Variants in ETV1 observed in about 807,000 individuals in gnomAD.
ETV1 encodes ETS translocation variant 1.
Under a neutral mutation model 62.3 loss-of-function variants are expected in ETV1, and 27 were observed. The ratio of observed to expected loss-of-function variants is 0.43; its 90% CI spans 0.32 to 0.60. ETV1 has a LOEUF of 0.60. Ranked by LOEUF, ETV1 falls within the 20% of genes least tolerant of loss-of-function variation. The pLI, the probability that ETV1 is intolerant of heterozygous loss-of-function variation, is 0.06. For missense variants in ETV1, 605 were observed against 605.8 expected, an observed-to-expected ratio of 1.00 and a Z score of 0.01; for synonymous variants, 222 against 199.6, an observed-to-expected ratio of 1.11 and a Z score of -0.94.
chr7:13,914,867 G>C (rs79949177), intron 9 of ETV1, among the ~76,000 whole-genome samples: 16 of 152,122 alleles, frequency 1.1e-4, no homozygotes, highest in Non-Finnish European at 1.9e-4. Flanking sequence ...ATCAGGCCAC[G>C]GCAAAGAGAA....
chr7:13,916,660 A>AG (rs1389951964), intron 9 of ETV1, among the ~76,000 whole-genome samples: 5 of 148,516 alleles, frequency 3.4e-5, no homozygotes, highest in Non-Finnish European at 6.0e-5. Context: ...TGTGCACAGT[A>AG]GCTCATGCAT....
At chr7:13,988,713 C>G in intron 3 of ETV1, 1 of 1,612,664 alleles carries the variant, frequency 6.2e-7, no homozygotes, top group Non-Finnish European at 8.5e-7. Flanking sequence ...CAAACCCAGC[C>G]AAAAACTTTG....
chr7:13,973,329 G>A (rs934558076), intron 6 of ETV1, among the ~76,000 whole-genome samples: 3 of 152,104 alleles, frequency 2.0e-5, no homozygotes, highest in African/African-American at 7.2e-5. Flanking sequence ...TTTACAGACA[G>A]GCCACACAGA....
chr7:13,903,148 T>C (rs1323662780), intron 12 of ETV1, among the ~76,000 whole-genome samples: 1 of 151,868 alleles, frequency 6.6e-6, no homozygotes, highest in African/African-American at 2.4e-5. Context: ...CAATATGGAG[T>C]GGGAAAAATG....
chr7:13,967,247 A>G (rs1479492841), intron 6 of ETV1, among the ~76,000 whole-genome samples: 2 of 152,180 alleles, frequency 1.3e-5, no homozygotes, highest in Non-Finnish European at 2.9e-5. Context: ...AACAGGACCT[A>G]AAAACTAGTC....
intron 9 of ETV1, among the ~76,000 whole-genome samples, chr7:13,925,852 G>A (rs544746859): frequency 6.6e-6 from 1 of 151,838 alleles, no homozygotes; most frequent in East Asian, 1.9e-4. Context: ...CACCGCGCCT[G>A]GCCCGACTGA....
chr7:13,977,995 A>G (rs1781619775), intron 5 of ETV1, among the ~76,000 whole-genome samples: 1 of 152,134 alleles, frequency 6.6e-6, no homozygotes, highest in Non-Finnish European at 1.5e-5. Flanking sequence ...CTTGCACTGA[A>G]TTTTGCCAAA....
At chr7:13,980,037 G>C (rs1562713064) in intron 5 of ETV1, among the ~76,000 whole-genome samples, 1 of 152,132 alleles carries the variant, frequency 6.6e-6, no homozygotes, top group Non-Finnish European at 1.5e-5. Context: ...AATCTGTAAA[G>C]AGTAAGAATA....
chr7:13,935,925 A>ATTTC (rs1262322174), intron 7 of ETV1, 29 bp from the exon 8 acceptor site: 3 of 1,513,868 alleles, frequency 2.0e-6, no homozygotes, highest in Admixed American at 2.0e-5. Flanking sequence ...AAGAGAGAAC[A>ATTTC]TTTCTTTCTT....
intron 9 of ETV1, among the ~76,000 whole-genome samples, chr7:13,926,847 T>C (rs1785480760): frequency 1.3e-5 from 2 of 152,142 alleles, no homozygotes; most frequent in African/African-American, 4.8e-5. Context: ...CTGATTGAAG[T>C]CTTTTTCTTT....
At chr7:13,905,883 G>T (rs1782904201) in intron 12 of ETV1, among the ~76,000 whole-genome samples, 1 of 152,112 alleles carries the variant, frequency 6.6e-6, no homozygotes, top group African/African-American at 2.4e-5. Context: ...ACACTTAAGG[G>T]CTGAGAATTT....
chr7:13,951,699 G>A (rs1788833048), intron 6 of ETV1, among the ~76,000 whole-genome samples: 1 of 152,238 alleles, frequency 6.6e-6, no homozygotes. Flanking sequence ...GTGTTACTCA[G>A]TTTCCCCTTT....
At position 13,900,843 on chromosome 7, in the gene ETV1, C is replaced by A. The variant is rs1396680705; in HGVS notation, c.1111-4G>T. On this transcript the variant is annotated splice_polypyrimidine_tract_variant and splice_region_variant and intron_variant, in intron 12 of 13. Coordinates refer to ENST00000430479, the MANE Select transcript of ETV1 (RefSeq NM_004956.5). ...GAATGCCCCAACGTCGGGCCACCTG[C>A]CGCGAAACAGAATTACATTGTAGTG... 1.3e-6 allele frequency: 2 copies of A among 1,590,224 alleles called. No individual in the cohort carries two copies. The highest frequency in any genetic ancestry group is 1.7e-6 in the Non-Finnish European group (2 of 1,164,330).
chr7:13,986,731 A>C (rs757274517), intron 4 of ETV1, 46 bp from the exon 5 acceptor site: 4 of 1,368,306 alleles, frequency 2.9e-6, no homozygotes, highest in Admixed American at 2.0e-5. Flanking sequence ...GCAAATCTTT[A>C]ATCTTCATTA....
At chr7:13,955,136 C>T (rs74453613) in intron 6 of ETV1, among the ~76,000 whole-genome samples, 3 of 152,154 alleles carry the variant, frequency 2.0e-5, no homozygotes, top group Non-Finnish European at 4.4e-5. Flanking sequence ...TTTGGCACAA[C>T]ATTTTTATAA....
At position 13,891,835 on chromosome 7, in the gene ETV1, C is replaced by T. The variant is rs944551840; in HGVS notation, c.*4031G>A. 4.3e-5 allele frequency: 10 copies of T among 231,362 alleles called. No homozygotes were observed. The highest frequency in any genetic ancestry group is 2.5e-4 in the East Asian group (4 of 16,236). 14.3% of individuals were successfully genotyped at this position (231,362 alleles called of 1,614,324 possible). A position where few individuals can be genotyped will look rare whatever the true frequency, so the allele number is the denominator to read the frequency against. ...ATTTCCTCTCTTCTCCATACCAAAT[C>T]GCAAATGGAAAATAGCTTACTCACT... On this transcript the variant is annotated 3_prime_UTR_variant, in exon 14 of 14. Transcript: ENST00000430479.
intron 12 of ETV1, among the ~76,000 whole-genome samples, chr7:13,901,959 A>G (rs1782481043): frequency 6.6e-6 from 1 of 152,132 alleles, no homozygotes; most frequent in East Asian, 1.9e-4. Context: ...TCTCTCCTCA[A>G]TGTATATATA....
At chr7:13,950,905 C>A (rs1041973402) in intron 6 of ETV1, among the ~76,000 whole-genome samples, 9 of 63,870 alleles carry the variant, frequency 1.4e-4, no homozygotes, top group African/African-American at 2.9e-4. Context: ...TAGGAACACA[C>A]ACACACACAC....
At chr7:13,911,596 G>C (rs1235597200) in intron 9 of ETV1, among the ~76,000 whole-genome samples, 1 of 152,024 alleles carries the variant, frequency 6.6e-6, no homozygotes, top group African/African-American at 2.4e-5. Context: ...TGAATGAGAT[G>C]GTGTCCTTGA....
Sources: allele counts gnomAD v4.1 joint callset (sites outside exome capture counted in the v4.1 genomes callset), GRCh38; gene constraint gnomAD v4.1.1; transcripts MANE v1.5; gene names NCBI Gene and HGNC (gene_info 2026-07-23, HGNC 2026-07-21).